Variants in PIP4K2A observed in about 807,000 individuals in gnomAD.
The protein encoded by PIP4K2A is phosphatidylinositol-5-phosphate 4-kinase type 2 alpha, also known as phosphatidylinositol 5-phosphate 4-kinase type-2 alpha.
Under a neutral mutation model 42.9 loss-of-function variants are expected in PIP4K2A, and 14 were observed. That is an observed-to-expected ratio of 0.33 (90% confidence interval 0.22 to 0.51). PIP4K2A has a LOEUF of 0.51. Among genes scored for constraint, PIP4K2A ranks in the 20% least tolerant of loss-of-function variants. The pLI, the probability that PIP4K2A is intolerant of heterozygous loss-of-function variation, is 0.97. For missense variants in PIP4K2A, 434 were observed against 519.8 expected (o/e 0.83, Z 1.61); for synonymous variants, 192 against 192.2 (o/e 1.00, Z 0.01).
At position 22,536,142 on chromosome 10, in the gene PIP4K2A, AAC is replaced by A. The variant is rs1835911820; in HGVS notation, c.*1057_*1058del. On this transcript the variant is annotated 3_prime_UTR_variant, in exon 10 of 10. Coordinates refer to ENST00000376573, the MANE Select transcript of PIP4K2A (RefSeq NM_005028.5). ...GGTTTCAGTTAAAGGGATAATTCGT[AAC>A]AAAATCCCATTGTTGAAACAATGGT... 7.5e-6 allele frequency: 3 copies of A among 398,578 alleles called. No individual in the cohort carries two copies. The highest frequency in any genetic ancestry group is 1.3e-5 in the Non-Finnish European group (3 of 226,032). 24.7% of individuals were successfully genotyped at this position (398,578 alleles called of 1,614,324 possible).
intron 1 of PIP4K2A, among the ~76,000 whole-genome samples, chr10:22,652,276 C>T (rs1839012226): frequency 6.6e-6 from 1 of 151,978 alleles, no homozygotes; most frequent in Non-Finnish European, 1.5e-5. Context: ...GTGCGCACCA[C>T]CATGCCTATT....
At chr10:22,681,419 A>G (rs935663265) in intron 1 of PIP4K2A, among the ~76,000 whole-genome samples, 5 of 152,220 alleles carry the variant, frequency 3.3e-5, no homozygotes, top group Non-Finnish European at 7.3e-5. Flanking sequence ...CATGCCTGTA[A>G]TCCCATCACC....
chr10:22,558,720 G>A (rs761529547), intron 6 of PIP4K2A, among the ~76,000 whole-genome samples: 1 of 152,178 alleles, frequency 6.6e-6, no homozygotes, highest in Non-Finnish European at 1.5e-5. Context: ...TCTGTGACTA[G>A]CATCCAGATG....
rs1277229170 is a variant in PIP4K2A at position 22,535,597 on chromosome 10, C to T, written c.*1604G>A. The T allele has an allele frequency of 2.6e-5, 4 of 152,120 alleles. No individual in the cohort carries two copies. Among genetic ancestry groups the T allele is most frequent in the African/African-American group, 9.7e-5 (4 of 41,400 alleles). The allele number at this position is 152,120 out of a possible 1,614,324, so 9.4% of individuals were successfully genotyped here. ...GGGTCGATTTTTGTTTGTTTGTTTT[C>T]TTTTCTGAAACTGCCCACAAAAATC... On this transcript the variant is annotated 3_prime_UTR_variant, in exon 10 of 10. Transcript: ENST00000376573.
At chr10:22,677,090 T>C (rs1839574369) in intron 1 of PIP4K2A, among the ~76,000 whole-genome samples, 1 of 152,222 alleles carries the variant, frequency 6.6e-6, no homozygotes, top group Non-Finnish European at 1.5e-5. Context: ...CTATCATCTG[T>C]GAATTTCATA....
intron 1 of PIP4K2A, among the ~76,000 whole-genome samples, chr10:22,645,568 A>G (rs1365459523): frequency 2.0e-5 from 3 of 151,634 alleles, no homozygotes; most frequent in Admixed American, 6.6e-5. Context: ...AAAAAAAAGA[A>G]AAGAAAAGAA....
intron 3 of PIP4K2A, among the ~76,000 whole-genome samples, chr10:22,606,715 C>G (rs1052472227): frequency 1.3e-5 from 2 of 152,098 alleles, no homozygotes; most frequent in Admixed American, 6.5e-5. Context: ...CTGTAGTCAC[C>G]CAGGGTGGCA....
intron 6 of PIP4K2A, among the ~76,000 whole-genome samples, chr10:22,565,797 G>T (rs1295076317): frequency 1.3e-5 from 2 of 151,146 alleles, no homozygotes; most frequent in Non-Finnish European, 2.9e-5. Context: ...GAACATCCCT[G>T]AGAAAGAGAA....
At chr10:22,607,417 G>C (rs958403295) in intron 3 of PIP4K2A, among the ~76,000 whole-genome samples, 9 of 152,202 alleles carry the variant, frequency 5.9e-5, no homozygotes, top group African/African-American at 1.9e-4. Flanking sequence ...TGACCACAGT[G>C]CTATGGTCAC....
chr10:22,579,914 AAAAAAAAG>A (rs1249291460), intron 4 of PIP4K2A, among the ~76,000 whole-genome samples: 2 of 144,986 alleles, frequency 1.4e-5, no homozygotes, highest in African/African-American at 5.8e-5. Context: ...GTCTGAGAAG[AAAAAAAAG>A]AAAAAAGAAA....
chr10:22,635,811 C>T (rs964893689), intron 1 of PIP4K2A, among the ~76,000 whole-genome samples: 1 of 152,100 alleles, frequency 6.6e-6, no homozygotes, highest in Non-Finnish European at 1.5e-5. Flanking sequence ...GCAACAGGTG[C>T]TAGGAATGCT....
chr10:22,666,002 AACAT>A (rs2130847870), intron 1 of PIP4K2A, among the ~76,000 whole-genome samples: 1 of 152,182 alleles, frequency 6.6e-6, no homozygotes, highest in South Asian at 2.1e-4. Context: ...ATGCTATATA[AACAT>A]ACAACATTCT....
chr10:22,598,343 C>CA (rs1837678922), intron 3 of PIP4K2A, among the ~76,000 whole-genome samples: 1 of 152,100 alleles, frequency 6.6e-6, no homozygotes, highest in African/African-American at 2.4e-5. Context: ...AGTTGACAGA[C>CA]AGAGACTCTG....
intron 1 of PIP4K2A, among the ~76,000 whole-genome samples, chr10:22,670,205 C>A (rs1839423389): frequency 6.6e-6 from 1 of 152,082 alleles, no homozygotes; most frequent in Non-Finnish European, 1.5e-5. Flanking sequence ...ATGGTGAAAT[C>A]CCATCTCTAC....
chr10:22,539,726 G>A (rs1836041565), intron 9 of PIP4K2A: 11 of 493,112 alleles, frequency 2.2e-5, no homozygotes, highest in Non-Finnish European at 4.0e-5. Flanking sequence ...GGTAAGAGCA[G>A]CAGTGAGCAG....
intron 1 of PIP4K2A, among the ~76,000 whole-genome samples, chr10:22,632,065 C>T (rs1343300351): frequency 1.3e-5 from 2 of 151,550 alleles, no homozygotes; most frequent in East Asian, 3.9e-4. Flanking sequence ...TCGGTGAGAG[C>T]CATTCTACAA....
intron 1 of PIP4K2A, among the ~76,000 whole-genome samples, chr10:22,660,549 A>G (rs1839187285): frequency 6.6e-6 from 1 of 152,164 alleles, no homozygotes; most frequent in Non-Finnish European, 1.5e-5. Context: ...AAGAAGATGC[A>G]AGAATCTAGG....
intron 3 of PIP4K2A, among the ~76,000 whole-genome samples, chr10:22,596,115 G>T (rs984288403): frequency 7.1e-6 from 1 of 140,464 alleles, no homozygotes; most frequent in Non-Finnish European, 1.5e-5. Flanking sequence ...TGAGGCAGGA[G>T]AATCGCTTGA....
chr10:22,695,695 A>C (rs1839956002), intron 1 of PIP4K2A, among the ~76,000 whole-genome samples: 1 of 152,118 alleles, frequency 6.6e-6, no homozygotes, highest in Non-Finnish European at 1.5e-5. Flanking sequence ...TCAAGTCCCT[A>C]ATACAAAACA....
Sources: allele counts gnomAD v4.1 joint callset (sites outside exome capture counted in the v4.1 genomes callset), GRCh38; gene constraint gnomAD v4.1.1; transcripts MANE v1.5; gene names NCBI Gene and HGNC (gene_info 2026-07-23, HGNC 2026-07-21).